Variants in KCNJ3 observed in about 807,000 individuals in gnomAD.
The protein encoded by KCNJ3 is potassium inwardly rectifying channel subfamily J member 3.
In KCNJ3, 4 loss-of-function variants were observed where a neutral mutation model predicts 39.2. The ratio of observed to expected loss-of-function variants is 0.10; its 90% CI spans 0.05 to 0.23. The LOEUF (loss-of-function observed/expected upper bound fraction) is 0.23, where lower values mean the gene tolerates loss of function less well. KCNJ3 is among the 10% of genes least tolerant of loss of function. KCNJ3 has a pLI of 1.00. For synonymous variants in KCNJ3, 230 were observed against 237.4 expected (o/e 0.97, Z 0.29); for missense variants, 276 against 634.9 (o/e 0.43, Z 6.08).
At chr2:154,782,616 A>G (rs1278770774) in intron 2 of KCNJ3, among the ~76,000 whole-genome samples, 1 of 152,108 alleles carries the variant, frequency 6.6e-6, no homozygotes, top group Admixed American at 6.5e-5. Context: ...TAAAATATCT[A>G]CTAATAAATC....
At chr2:154,800,903 C>T (rs987081430) in intron 2 of KCNJ3, among the ~76,000 whole-genome samples, 3 of 152,126 alleles carry the variant, frequency 2.0e-5, no homozygotes, top group Non-Finnish European at 2.9e-5. Context: ...GAATTCTTGG[C>T]GGTACCATCG....
intron 2 of KCNJ3, among the ~76,000 whole-genome samples, chr2:154,721,933 C>T (rs976698486): frequency 6.6e-6 from 1 of 152,142 alleles, no homozygotes; most frequent in Admixed American, 6.5e-5. Context: ...TATTTAAATG[C>T]ATGTCTTGCT....
chr2:154,848,973 G>GA (rs1687709980), intron 2 of KCNJ3, among the ~76,000 whole-genome samples: 1 of 152,148 alleles, frequency 6.6e-6, no homozygotes, highest in Non-Finnish European at 1.5e-5. Context: ...ACTTTAATTT[G>GA]AATATTCACT....
At chr2:154,788,229 G>T (rs1217714804) in intron 2 of KCNJ3, among the ~76,000 whole-genome samples, 5 of 152,068 alleles carry the variant, frequency 3.3e-5, no homozygotes, top group African/African-American at 1.2e-4. Context: ...ATCTACATAA[G>T]TATAGTCTAG....
At chr2:154,724,742 AC>A (rs1440263578) in intron 2 of KCNJ3, among the ~76,000 whole-genome samples, 1 of 151,458 alleles carries the variant, frequency 6.6e-6, no homozygotes, top group African/African-American at 2.4e-5. Flanking sequence ...AGAGAATAAA[AC>A]CTGCTGCAAT....
At chr2:154,750,925 T>A (rs1255064731) in intron 2 of KCNJ3, among the ~76,000 whole-genome samples, 1 of 152,050 alleles carries the variant, frequency 6.6e-6, no homozygotes, top group Non-Finnish European at 1.5e-5. Context: ...AATTTGTATT[T>A]GTGATTTGGA....
At chr2:154,797,859 G>A (rs1686747965) in intron 2 of KCNJ3, among the ~76,000 whole-genome samples, 1 of 151,926 alleles carries the variant, frequency 6.6e-6, no homozygotes, top group African/African-American at 2.4e-5. Context: ...TACTTAACAT[G>A]AGATATGCTC....
intron 1 of KCNJ3, among the ~76,000 whole-genome samples, chr2:154,704,507 AT>A (rs1312811374): frequency 1.3e-5 from 2 of 152,206 alleles, no homozygotes; most frequent in African/African-American, 4.8e-5. Flanking sequence ...TTTTCATAAA[AT>A]TGAACATATT....
chr2:154,820,246 G>A (rs988356243), intron 2 of KCNJ3, among the ~76,000 whole-genome samples: 3 of 152,022 alleles, frequency 2.0e-5, no homozygotes, highest in Non-Finnish European at 4.4e-5. Flanking sequence ...ATCTCCCAAC[G>A]TTATCGAGTT....
At chr2:154,809,888 T>TTATA (rs35622339) in intron 2 of KCNJ3, among the ~76,000 whole-genome samples, 26 of 149,760 alleles carry the variant, frequency 1.7e-4, no homozygotes, top group Non-Finnish European at 1.8e-4. Flanking sequence ...ATAGAAAATA[T>TTATA]TATATATATA....
At chr2:154,799,689 G>A (rs944165019) in intron 2 of KCNJ3, among the ~76,000 whole-genome samples, 1 of 152,096 alleles carries the variant, frequency 6.6e-6, no homozygotes, top group African/African-American at 2.4e-5. Flanking sequence ...TTCTTTAAGT[G>A]TAAGTGCTTG....
intron 2 of KCNJ3, among the ~76,000 whole-genome samples, chr2:154,836,130 A>C (rs1687456606): frequency 6.6e-6 from 1 of 151,648 alleles, no homozygotes; most frequent in South Asian, 2.1e-4. Flanking sequence ...GAATCACTTG[A>C]ACTCAGGAGG....
At chr2:154,725,743 G>T (rs114473902) in intron 2 of KCNJ3, among the ~76,000 whole-genome samples, 5,483 of 152,102 alleles carry the variant, frequency 0.036, 161 homozygotes, top group Non-Finnish European at 0.049. Flanking sequence ...CCTGGTATTG[G>T]TATAAAAATA....
chr2:154,812,447 T>C (rs960867101), intron 2 of KCNJ3, among the ~76,000 whole-genome samples: 3 of 152,124 alleles, frequency 2.0e-5, no homozygotes, highest in Non-Finnish European at 4.4e-5. Context: ...AAAGAGTCTT[T>C]AAAAAATCTC....
intron 2 of KCNJ3, among the ~76,000 whole-genome samples, chr2:154,844,830 T>A (rs1687639704): frequency 1.3e-5 from 2 of 152,152 alleles, no homozygotes; most frequent in Admixed American, 1.3e-4. Context: ...CAGAAGTGCC[T>A]CATTTTTCCA....
chr2:154,826,898 C>T (rs978956170), intron 2 of KCNJ3, among the ~76,000 whole-genome samples: 4 of 152,112 alleles, frequency 2.6e-5, no homozygotes, highest in East Asian at 3.9e-4. Flanking sequence ...CTTCATTTAT[C>T]AGAATTTTGG....
At chr2:154,829,961 A>G (rs1687336240) in intron 2 of KCNJ3, among the ~76,000 whole-genome samples, 1 of 152,160 alleles carries the variant, frequency 6.6e-6, no homozygotes, top group African/African-American at 2.4e-5. Flanking sequence ...TTATTTATAA[A>G]TGATAGTAGA....
chr2:154,728,133 C>A (rs1196007328), intron 2 of KCNJ3, among the ~76,000 whole-genome samples: 1 of 151,696 alleles, frequency 6.6e-6, no homozygotes, highest in Non-Finnish European at 1.5e-5. Flanking sequence ...TTGATTATAT[C>A]AAAATTTCAT....
intron 2 of KCNJ3, among the ~76,000 whole-genome samples, chr2:154,809,057 T>C (rs1357259019): frequency 6.6e-6 from 1 of 152,168 alleles, no homozygotes; most frequent in Non-Finnish European, 1.5e-5. Flanking sequence ...TGGGCCACAA[T>C]GATGTAGCTG....
Sources: gnomAD v4.1 joint callset for allele counts (sites outside exome capture counted in the v4.1 genomes callset) on GRCh38, gnomAD v4.1.1 for gene constraint, MANE v1.5 for transcripts, NCBI Gene and HGNC (gene_info 2026-07-23, HGNC 2026-07-21) for gene names.